FNDC7: variants seen among roughly 807,000 people sequenced by gnomAD.
FNDC7 encodes the protein fibronectin type III domain-containing protein 7.
A neutral mutation model predicts 74.2 loss-of-function variants in FNDC7; 66 were observed. The observed-to-expected ratio is 0.89, with a 90% confidence interval of 0.73 to 1.09. The LOEUF (loss-of-function observed/expected upper bound fraction) is 1.09, where lower values mean the gene tolerates loss of function less well. FNDC7 is among the 50% of genes least tolerant of loss of function. The pLI is 0.00. For synonymous variants in FNDC7, 307 were observed against 330.2 expected (o/e 0.93, Z 0.76); for missense variants, 829 against 893.4 (o/e 0.93, Z 0.92).
intron 2 of FNDC7, among the ~76,000 whole-genome samples, chr1:108,716,519 ATTTTCT>A (rs1183040515): frequency 2.6e-5 from 4 of 152,000 alleles, no homozygotes; most frequent in African/African-American, 9.7e-5. Flanking sequence ...AAGTGTCATA[ATTTTCT>A]TTCAATGGCA....
At chr1:108,715,669 G>GCA (rs113717600) in intron 2 of FNDC7, among the ~76,000 whole-genome samples, 31,699 of 135,750 alleles carry the variant, frequency 0.23, 3,340 homozygotes, top group Middle Eastern at 0.28. Context: ...GCGTGCGCGC[G>GCA]CGCACACACA....
At chr1:108,737,571 T>A in intron 11 of FNDC7, 47 bp downstream of exon 11, 1 of 1,516,758 alleles carries the variant, frequency 6.6e-7, no homozygotes, top group Non-Finnish European at 8.9e-7. Context: ...TTTTTGTTGC[T>A]CCATTTTGGG....
Position 108,727,844 on chromosome 1 carries a change from T to G in FNDC7, c.1148T>G (p.Val383Gly), listed in dbSNP as rs780544640. 1.2e-6 allele frequency: 2 copies of G among 1,614,050 alleles called. No homozygotes were observed. The highest frequency in any genetic ancestry group is 1.7e-6 in the Non-Finnish European group (2 of 1,180,034). ...CCTAGTGACATTAACCCCGTGTTGG[T>G]GTCCAGTGACAGAGTTGAGATTGTC... The part of the protein sequence containing the change: ...CCPSDINPVL[V>G]SSDRVEIVWS... Residue 383 changes from valine to glycine, a missense_variant, in exon 7 of 13, where the codon GTG becomes GGG. By Grantham distance (109) the Val-to-Gly change is moderately radical (BLOSUM62 -3). Transcript: ENST00000370017.
intron 5 of FNDC7, among the ~76,000 whole-genome samples, chr1:108,723,477 A>C (rs1307849662): frequency 1.3e-5 from 2 of 150,024 alleles, no homozygotes; most frequent in Admixed American, 6.6e-5. Context: ...AAGTTGATGC[A>C]CTCCATTCCA....
chr1:108,718,147 G>A lies in FNDC7; in HGVS notation c.337+116G>A. On this transcript the variant is annotated intron_variant, in intron 3 of 12. Transcript: ENST00000370017. ...GTCACATGAGTGCCTACAATTCAAG[G>A]CCCAGAAGTGAAAGCTACCAAATGA... is the stretch of plus-strand genomic sequence containing the variant. 8 of 1,333,598 alleles carry A rather than the reference G, an allele frequency of 6.0e-6. No homozygotes were observed. The South Asian group carries it at 1.2e-4, about 19-fold the overall frequency. 82.6% of individuals were successfully genotyped at this position (1,333,598 alleles called of 1,614,324 possible). A position where few individuals can be genotyped will look rare whatever the true frequency, so the allele number is the denominator to read the frequency against.
At chr1:108,723,734 T>C (rs1350666997) in intron 5 of FNDC7, among the ~76,000 whole-genome samples, 1 of 152,336 alleles carries the variant, frequency 6.6e-6, no homozygotes, top group South Asian at 2.1e-4. Flanking sequence ...GGGAGAACCA[T>C]GCAGAGTTTT....
At chr1:108,723,626 C>T (rs754906317) in intron 5 of FNDC7, among the ~76,000 whole-genome samples, 1 of 151,968 alleles carries the variant, frequency 6.6e-6, no homozygotes, top group Non-Finnish European at 1.5e-5. Flanking sequence ...ACATTAGAAG[C>T]GATTATGAGG....
chr1:108,715,665 G>GTGCACA (rs1424063427), intron 2 of FNDC7, among the ~76,000 whole-genome samples: 1 of 34,976 alleles, frequency 2.9e-5, no homozygotes, highest in Non-Finnish European at 1.1e-4. Flanking sequence ...GCGTGCGTGC[G>GTGCACA]CGCGCGCACA....
At chr1:108,721,350 T>A (rs2101079358) in intron 4 of FNDC7, among the ~76,000 whole-genome samples, 2 of 152,210 alleles carry the variant, frequency 1.3e-5, no homozygotes, top group Middle Eastern at 6.8e-3. Flanking sequence ...GCGCCTGTAG[T>A]CCCAGCTACT....
chr1:108,738,230 T>C (rs1661560935), intron 11 of FNDC7, among the ~76,000 whole-genome samples: 1 of 152,108 alleles, frequency 6.6e-6, no homozygotes, highest in African/African-American at 2.4e-5. Flanking sequence ...TTTGCATGAG[T>C]GGGTATACCC....
At chr1:108,716,376 T>TGTGTGTGTGTGTG (rs61370041) in intron 2 of FNDC7, among the ~76,000 whole-genome samples, 12 of 108,720 alleles carry the variant, frequency 1.1e-4, no homozygotes, top group African/African-American at 3.8e-4. Context: ...TGTGTGTGTG[T>TGTGTGTGTGTGTG]TGGAAGAGGG....
intron 10 of FNDC7, among the ~76,000 whole-genome samples, chr1:108,735,760 G>A (rs1358540459): frequency 6.6e-6 from 1 of 151,790 alleles, no homozygotes; most frequent in African/African-American, 2.4e-5. Context: ...AGCTACTTCA[G>A]TGTCCACTGT....
chr1:108,737,186 G>A (rs1004694547), intron 10 of FNDC7, among the ~76,000 whole-genome samples: 1 of 152,036 alleles, frequency 6.6e-6, no homozygotes, highest in Non-Finnish European at 1.5e-5. Flanking sequence ...TGGCCAGGCC[G>A]GTCTTGAACT....
At chr1:108,735,645 A>C (rs1661492479) in intron 10 of FNDC7, among the ~76,000 whole-genome samples, 1 of 152,216 alleles carries the variant, frequency 6.6e-6, no homozygotes, top group African/African-American at 2.4e-5. Flanking sequence ...TAATCAATAT[A>C]AAAATTATTA....
intron 4 of FNDC7, among the ~76,000 whole-genome samples, chr1:108,721,295 C>T (rs1407834003): frequency 6.6e-6 from 1 of 152,116 alleles, no homozygotes; most frequent in Non-Finnish European, 1.5e-5. Context: ...TGGTGAAACC[C>T]CGTCTCTACT....
At chr1:108,718,749 G>T in intron 3 of FNDC7, 40 bp from the exon 4 acceptor site, 1 of 1,543,782 alleles carries the variant, frequency 6.5e-7, no homozygotes, top group South Asian at 1.2e-5. Context: ...TCCTCTATTG[G>T]ACTTTGGTAA....
At chr1:108,716,080 G>T (rs1249268974) in intron 2 of FNDC7, among the ~76,000 whole-genome samples, 1 of 152,174 alleles carries the variant, frequency 6.6e-6, no homozygotes, top group Non-Finnish European at 1.5e-5. Flanking sequence ...TCTGTGTCAT[G>T]CTAGCCTTTT....
intron 5 of FNDC7, 134 bp from the exon 6 acceptor site, chr1:108,725,615 AT>A (rs1474575610): frequency 2.1e-6 from 2 of 969,300 alleles, no homozygotes; most frequent in Non-Finnish European, 3.0e-6. Flanking sequence ...ACAGTTTTGC[AT>A]TTTGTGCACC....
At chr1:108,733,140 T>A (rs1661430664) in intron 9 of FNDC7, 132 bp from the exon 10 acceptor site, 1 of 1,137,472 alleles carries the variant, frequency 8.8e-7, no homozygotes, top group Non-Finnish European at 1.3e-6. Flanking sequence ...AATCTTGCTC[T>A]GATCTAACCA....
Sources: gnomAD v4.1 joint callset for allele counts (sites outside exome capture counted in the v4.1 genomes callset) on GRCh38, gnomAD v4.1.1 for gene constraint, MANE v1.5 for transcripts, NCBI Gene and HGNC (gene_info 2026-07-23, HGNC 2026-07-21) for gene names.